The following PLXNA4 variants were observed in gnomAD, a reference collection of about 807,000 sequenced individuals.
PLXNA4 encodes the protein plexin-A4.
PLXNA4 carries 44 observed loss-of-function variants against 191.8 expected under a neutral mutation model. That is an observed-to-expected ratio of 0.23 (90% CI 0.18 to 0.29). PLXNA4 has a LOEUF of 0.29. PLXNA4 is among the 10% of genes least tolerant of loss of function. PLXNA4 has a pLI of 1.00. For missense variants in PLXNA4, 1,800 were observed against 2,488.8 expected, an observed-to-expected ratio of 0.72 and a Z score of 5.89; for synonymous variants, 1,082 against 1,009.5, an observed-to-expected ratio of 1.07 and a Z score of -1.36.
intron 3 of PLXNA4, among the ~76,000 whole-genome samples, chr7:132,474,477 CCATCACCCAGGTT>C (rs780795516): frequency 6.6e-6 from 1 of 152,100 alleles, no homozygotes; most frequent in Non-Finnish European, 1.5e-5. Context: ...ATCCTGCTTT[CCATCACCCAGGTT>C]ATTCACCCCA....
At chr7:132,469,393 T>A (rs1796844295) in intron 3 of PLXNA4, among the ~76,000 whole-genome samples, 1 of 152,182 alleles carries the variant, frequency 6.6e-6, no homozygotes, top group Non-Finnish European at 1.5e-5. Flanking sequence ...CTCACTGTTT[T>A]CTCATTTTCC....
At chr7:132,180,768 A>G (rs1796678369) in intron 18 of PLXNA4, 36 bp from the exon 19 acceptor site, 3 of 1,593,276 alleles carry the variant, frequency 1.9e-6, no homozygotes, top group Non-Finnish European at 1.7e-6. Flanking sequence ...CCCACCCCAG[A>G]GTGAGGACCA....
At chr7:132,569,298 C>T (rs1352401143) in intron 1 of PLXNA4, among the ~76,000 whole-genome samples, 1 of 152,194 alleles carries the variant, frequency 6.6e-6, no homozygotes, top group Non-Finnish European at 1.5e-5. Flanking sequence ...TTCCCTACCT[C>T]TCCTCCTTTG....
At chr7:132,621,506 G>A (rs548368863) in intron 2 of PLXNA4, among the ~76,000 whole-genome samples, 16 of 152,152 alleles carry the variant, frequency 1.1e-4, no homozygotes, top group East Asian at 3.9e-4. Context: ...TGATCTGCCC[G>A]CCTCAGCCTC....
rs1330523096 is a variant in PLXNA4 at position 132,128,296 on chromosome 7, T to G, written c.*2183A>C. ...TTTGGTTATTTATTTTTTTTCTTCC[T>G]CTTCCAATGCATTGTTTCCCATTTT... On this transcript the variant is annotated 3_prime_UTR_variant, in exon 32 of 32. Transcript: ENST00000321063. 1 of 152,218 alleles carries G rather than the reference T, an allele frequency of 6.6e-6. No homozygotes were observed. Among genetic ancestry groups the G allele is most frequent in the African/African-American group, 2.4e-5 (1 of 41,436 alleles). 9.4% of individuals were successfully genotyped at this position (152,218 alleles called of 1,614,324 possible). A position where few individuals can be genotyped will look rare whatever the true frequency, so the allele number is the denominator to read the frequency against.
At chr7:132,624,862 A>G (rs1055348344) in intron 2 of PLXNA4, among the ~76,000 whole-genome samples, 10 of 152,184 alleles carry the variant, frequency 6.6e-5, no homozygotes, top group Non-Finnish European at 1.3e-4. Flanking sequence ...TCAAGCCTGA[A>G]CAGGAAGCAA....
At chr7:132,426,783 A>G (rs1284883470) in intron 3 of PLXNA4, among the ~76,000 whole-genome samples, 1 of 152,216 alleles carries the variant, frequency 6.6e-6, no homozygotes, top group Non-Finnish European at 1.5e-5. Flanking sequence ...TCTTAGATAT[A>G]ATGATTTGTG....
chr7:132,417,341 C>A (rs534904253), intron 3 of PLXNA4, among the ~76,000 whole-genome samples: 1 of 152,148 alleles, frequency 6.6e-6, no homozygotes, highest in African/African-American at 2.4e-5. Context: ...ATGAGGCCTG[C>A]GCTTAGGATT....
chr7:132,550,465 C>T (rs916431145), intron 1 of PLXNA4, among the ~76,000 whole-genome samples: 1 of 152,188 alleles, frequency 6.6e-6, no homozygotes, highest in East Asian at 1.9e-4. Flanking sequence ...CTAGGATTAA[C>T]AGGGAGAATA....
chr7:132,498,020 A>T (rs908513163), intron 2 of PLXNA4, among the ~76,000 whole-genome samples: 1 of 152,186 alleles, frequency 6.6e-6, no homozygotes, highest in Non-Finnish European at 1.5e-5. Context: ...AAAACAACCC[A>T]ACAAATTATA....
intron 5 of PLXNA4, among the ~76,000 whole-genome samples, chr7:132,238,814 AG>A (rs5887557): frequency 0.014 from 2,002 of 146,370 alleles, 41 homozygotes; most frequent in African/African-American, 0.04. Flanking sequence ...GAGTCACAAG[AG>A]GGGGGGGGGC....
At chr7:132,295,902 G>T (rs1345023148) in intron 4 of PLXNA4, among the ~76,000 whole-genome samples, 1 of 152,168 alleles carries the variant, frequency 6.6e-6, no homozygotes, top group Non-Finnish European at 1.5e-5. Flanking sequence ...AAAACTATCT[G>T]ATATTATTGT....
At chr7:132,631,330 ATTC>A (rs1410332306) in intron 2 of PLXNA4, among the ~76,000 whole-genome samples, 1 of 152,216 alleles carries the variant, frequency 6.6e-6, no homozygotes, top group Admixed American at 6.5e-5. Flanking sequence ...CACAGCCCTT[ATTC>A]TTAAGGTGCC....
intron 3 of PLXNA4, chr7:132,383,442 A>G: frequency 2.1e-6 from 1 of 470,776 alleles, no homozygotes; most frequent in African/African-American, 2.1e-5. Flanking sequence ...ATAGAAAACA[A>G]TAAATAAACC....
intron 3 of PLXNA4, among the ~76,000 whole-genome samples, chr7:132,471,834 G>T (rs988520027): frequency 6.6e-6 from 1 of 152,116 alleles, no homozygotes; most frequent in Non-Finnish European, 1.5e-5. Flanking sequence ...AACAGTACAC[G>T]CAAGAACAAA....
intron 4 of PLXNA4, among the ~76,000 whole-genome samples, chr7:132,264,937 A>T (rs114626168): frequency 0.013 from 1,916 of 152,192 alleles, 34 homozygotes; most frequent in African/African-American, 0.044. Flanking sequence ...ACCTCAAGTG[A>T]TCTGCCTTGG....
At chr7:132,437,401 T>C (rs1341521971) in intron 3 of PLXNA4, among the ~76,000 whole-genome samples, 1 of 152,162 alleles carries the variant, frequency 6.6e-6, no homozygotes, top group Non-Finnish European at 1.5e-5. Context: ...CACACGTGTG[T>C]GTGCATGTTT....
intron 5 of PLXNA4, among the ~76,000 whole-genome samples, chr7:132,231,688 G>C (rs1562981455): frequency 6.6e-6 from 1 of 152,192 alleles, no homozygotes; most frequent in Non-Finnish European, 1.5e-5. Context: ...GCCTCCTAGA[G>C]TGCTGGGATT....
intron 1 of PLXNA4, among the ~76,000 whole-genome samples, chr7:132,521,691 C>T (rs1297224839): frequency 1.3e-5 from 2 of 152,164 alleles, no homozygotes; most frequent in Non-Finnish European, 2.9e-5. Context: ...AGTCTCATCC[C>T]CTTCCTCCCC....
Sources: gnomAD v4.1 joint callset for allele counts (sites outside exome capture counted in the v4.1 genomes callset) on GRCh38, gnomAD v4.1.1 for gene constraint, MANE v1.5 for transcripts, NCBI Gene and HGNC (gene_info 2026-07-23, HGNC 2026-07-21) for gene names.